Variants in SLC37A1 observed in about 807,000 individuals in gnomAD.
SLC37A1 encodes the protein glucose-6-phosphate exchanger SLC37A1.
In SLC37A1, 49 loss-of-function variants were observed where a neutral mutation model predicts 75.3. That is an observed-to-expected ratio of 0.65 (90% CI 0.52 to 0.83). SLC37A1 has a LOEUF of 0.83. SLC37A1 is among the 40% of genes least tolerant of loss of function. The pLI, the probability that SLC37A1 is intolerant of heterozygous loss-of-function variation, is 0.00. For missense variants in SLC37A1, 566 were observed against 695.0 expected, an observed-to-expected ratio of 0.81 and a Z score of 2.09; for synonymous variants, 268 against 292.1, an observed-to-expected ratio of 0.92 and a Z score of 0.84.
At chr21:42,519,937 T>C (rs7275184) in intron 2 of SLC37A1, among the ~76,000 whole-genome samples, 3 of 151,982 alleles carry the variant, frequency 2.0e-5, no homozygotes, top group Admixed American at 6.6e-5. Context: ...CCTCATCTGC[T>C]TCTCTCCCTG....
chr21:42,565,476 G>A (rs1390707559), intron 14 of SLC37A1, among the ~76,000 whole-genome samples: 3 of 152,242 alleles, frequency 2.0e-5, no homozygotes, highest in African/African-American at 7.2e-5. Flanking sequence ...CCACTGGGGG[G>A]TGGGCAGCCT....
chr21:42,564,577 CTGCCCG>C (rs2055923252), intron 13 of SLC37A1, 125 bp from the exon 14 acceptor site: 2 of 696,840 alleles, frequency 2.9e-6, no homozygotes, highest in South Asian at 3.4e-5. Context: ...AGAAGGCTGC[CTGCCCG>C]TGATGCATGG....
At chr21:42,558,859 C>A in intron 10 of SLC37A1, 99 bp from the exon 11 acceptor site, 1 of 1,499,274 alleles carries the variant, frequency 6.7e-7, no homozygotes, top group Non-Finnish European at 9.1e-7. Flanking sequence ...AAGAGAGAGC[C>A]GCCAGGCACC....
chr21:42,559,692 A>G (rs905868810), intron 11 of SLC37A1, among the ~76,000 whole-genome samples: 2 of 152,356 alleles, frequency 1.3e-5, no homozygotes, highest in African/African-American at 4.8e-5. Context: ...CCTGGCCAAC[A>G]TGGCAAAAAC....
chr21:42,555,389 T>C (rs1360152840), intron 10 of SLC37A1, among the ~76,000 whole-genome samples: 1 of 152,208 alleles, frequency 6.6e-6, no homozygotes, highest in Non-Finnish European at 1.5e-5. Flanking sequence ...TCTTTTTAAA[T>C]TAAATAGCTT....
At position 42,563,870 on chromosome 21, in the gene SLC37A1, A is replaced by AC; in HGVS notation, c.1128_1129insC (p.Ile377HisfsTer44). 2 of 1,614,160 alleles carry AC rather than the reference A, an allele frequency of 1.2e-6. No homozygotes were observed. The highest frequency in any genetic ancestry group is 1.7e-6 in the Non-Finnish European group (2 of 1,180,012). ...TCTCCACCCTGTTTGACGTGGGCGG[A>AC]ATCTTTGGTGAGTTCATTAAGACTT... On this transcript the variant is annotated frameshift_variant, in exon 13 of 20. Transcript: ENST00000352133. LOFTEE classifies it high-confidence loss of function.
intron 12 of SLC37A1, among the ~76,000 whole-genome samples, chr21:42,562,802 G>A (rs541975672): frequency 1.7e-5 from 2 of 119,718 alleles, no homozygotes; most frequent in Admixed American, 9.4e-5. Flanking sequence ...CCAGGAGCAC[G>A]TGGAGGGCTC....
intron 2 of SLC37A1, among the ~76,000 whole-genome samples, chr21:42,525,227 T>C (rs2054754897): frequency 6.6e-6 from 1 of 152,242 alleles, no homozygotes; most frequent in South Asian, 2.1e-4. Flanking sequence ...TAAATGTGTT[T>C]CCCTGAGTTC....
At chr21:42,555,230 CA>C (rs1343956359) in intron 10 of SLC37A1, among the ~76,000 whole-genome samples, 1 of 151,966 alleles carries the variant, frequency 6.6e-6, no homozygotes, top group East Asian at 1.9e-4. Context: ...TCAGGTGACC[CA>C]CCCGCCTTAG....
upstream of SLC37A1, among the ~76,000 whole-genome samples, chr21:42,513,067 G>A (rs1555878443): frequency 6.6e-6 from 1 of 152,232 alleles, no homozygotes; most frequent in Non-Finnish European, 1.5e-5. Context: ...TTTCCGCTCT[G>A]CCTCACTTTG....
intron 16 of SLC37A1, 144 bp downstream of exon 16, chr21:42,567,202 C>A: frequency 1.3e-6 from 1 of 759,044 alleles, no homozygotes. Flanking sequence ...GGTCTCCAGC[C>A]TTCCCGCACC....
chr21:42,572,496 T>G (rs2056200751), intron 17 of SLC37A1, among the ~76,000 whole-genome samples: 1 of 152,096 alleles, frequency 6.6e-6, no homozygotes, highest in African/African-American at 2.4e-5. Context: ...TCCCTGTTCT[T>G]TCTTACACTT....
In SLC37A1 at chr21:42,578,521, A is replaced by G. The variant is rs559003989; in HGVS notation, c.1522-1215A>G. On this transcript the variant is annotated intron_variant, in intron 18 of 19. Transcript: ENST00000352133. ...CACTTGGCAGGATGTAGATGTGGGT[A>G]AGGTACCAGCTCAAACACAATAAGC... 9.5e-4 allele frequency among the ~76,000 whole-genome samples: 144 copies of G among 152,332 alleles called. 1 individual carries two copies. In the Middle Eastern group the frequency reaches 0.024, roughly 25 times the overall value.
At chr21:42,572,292 T>G (rs1008945722) in intron 17 of SLC37A1, among the ~76,000 whole-genome samples, 6 of 152,166 alleles carry the variant, frequency 3.9e-5, no homozygotes, top group Non-Finnish European at 8.8e-5. Flanking sequence ...TCCACCGTCC[T>G]GGGGCACCTG....
In SLC37A1 at chr21:42,552,167, T is replaced by C. The variant is rs894957328; in HGVS notation, c.769-1895T>C. On this transcript the variant is annotated intron_variant, in intron 9 of 19. Transcript: ENST00000352133. This position sits in a 1 kb window ranked among gnomAD's most constrained non-coding sequence, Gnocchi z 4.2. ...GCTATTGAAGAGCCATGGGAACTTGTTCTTTTGATTTGTATTTGATTCCTA... is the reference window on the plus strand; with the variant it reads ...GCTATTGAAGAGCCATGGGAACTTGCTCTTTTGATTTGTATTTGATTCCTA... 5.9e-5 allele frequency among the ~76,000 whole-genome samples: 9 copies of C among 152,246 alleles called. No individual in the cohort carries two copies. Among genetic ancestry groups the C allele is most frequent in the Non-Finnish European group, 1.3e-4 (9 of 68,046 alleles).
intron 2 of SLC37A1, 79 bp downstream of exon 2, chr21:42,518,589 A>G (rs2054569547): frequency 5.3e-6 from 8 of 1,498,596 alleles, no homozygotes; most frequent in Non-Finnish European, 7.4e-6. Flanking sequence ...GTGTTGCCCC[A>G]GTTTCATTAT....
At chr21:42,568,173 T>C (rs960730683) in intron 16 of SLC37A1, among the ~76,000 whole-genome samples, 187 bp from the exon 17 acceptor site, 1 of 152,246 alleles carries the variant, frequency 6.6e-6, no homozygotes, top group Non-Finnish European at 1.5e-5. Context: ...TTCTGATGAC[T>C]TTTGACTCTT....
At chr21:42,526,295 G>A (rs996957130) in intron 3 of SLC37A1, among the ~76,000 whole-genome samples, 3 of 152,146 alleles carry the variant, frequency 2.0e-5, no homozygotes, top group South Asian at 2.1e-4. Context: ...TGTTAAGCAG[G>A]TGTTCTACTA....
chr21:42,511,371 T>C (rs2054430937), upstream of SLC37A1, among the ~76,000 whole-genome samples: 2 of 152,054 alleles, frequency 1.3e-5, no homozygotes, highest in African/African-American at 4.8e-5. Context: ...AAATGTGGTG[T>C]ATAGCTGTAT....
Sources: allele counts gnomAD v4.1 joint callset (sites outside exome capture counted in the v4.1 genomes callset), GRCh38; gene constraint gnomAD v4.1.1; non-coding constraint Gnocchi (gnomAD v3.1); transcripts MANE v1.5; gene names NCBI Gene and HGNC (gene_info 2026-07-23, HGNC 2026-07-21).